Variants in C3orf52 observed in about 807,000 individuals in gnomAD.
C3orf52 encodes the protein TPA-induced transmembrane protein.
A neutral mutation model predicts 24.8 loss-of-function variants in C3orf52; 22 were observed. That is an observed-to-expected ratio of 0.89 (90% CI 0.63 to 1.27). C3orf52 has a LOEUF of 1.27. Ranked by LOEUF, C3orf52 falls within the 50% of genes most tolerant of loss-of-function variation. C3orf52 has a pLI of 0.00. For synonymous variants in C3orf52, 93 were observed against 100.2 expected (o/e 0.93, Z 0.43); for missense variants, 265 against 260.7 (o/e 1.02, Z -0.11).
intron 4 of C3orf52, among the ~76,000 whole-genome samples, chr3:112,110,980 G>A (rs1289406072): frequency 1.3e-5 from 2 of 152,196 alleles, no homozygotes. Context: ...GGAGGCTGAG[G>A]TAGGCAGATC....
chr3:112,094,064 G>A (rs962916774), intron 2 of C3orf52, among the ~76,000 whole-genome samples: 5 of 151,858 alleles, frequency 3.3e-5, no homozygotes, highest in African/African-American at 1.2e-4. Context: ...GCACGACTTT[G>A]GCTCGCTGCA....
downstream of C3orf52, chr3:112,122,616 C>T (rs1407495460): frequency 6.6e-6 from 1 of 152,012 alleles, no homozygotes; most frequent in Non-Finnish European, 1.5e-5. Flanking sequence ...TAATATATTG[C>T]AGAGGGCTTT....
Position 112,113,025 on chromosome 3 carries a change from T to G in C3orf52, c.529T>G (p.Phe177Val), listed in dbSNP as rs2074100445. 6.8e-6 allele frequency: 11 copies of G among 1,608,714 alleles called. No homozygotes were observed. Among genetic ancestry groups the G allele is most frequent in the Non-Finnish European group, 8.5e-6 (10 of 1,177,462 alleles). Residue 177 changes from phenylalanine (F) to valine (V), a missense_variant, in exon 5 of 6, where the codon TTT (phenylalanine) becomes GTT (valine). Coordinates refer to ENST00000264848, the MANE Select transcript of C3orf52 (RefSeq NM_024616.3). ...TGGGGTTCCATCAGATGATGAAAAT[T>G]TTATGAAGTATATGATGAGTGAGGA... ...QFGVPSDDEN[F>V]MKYMMSEELV...
intron 1 of C3orf52, among the ~76,000 whole-genome samples, chr3:112,089,694 G>A (rs1290951567): frequency 6.6e-6 from 1 of 152,116 alleles, no homozygotes; most frequent in Non-Finnish European, 1.5e-5. Context: ...TTTCCTACCT[G>A]TAAGAAAATT....
At chr3:112,130,837 G>T (rs559887441), downstream of C3orf52, 5 of 359,958 alleles carry the variant, frequency 1.4e-5, no homozygotes, top group South Asian at 1.4e-4. Context: ...GAGGCCTGAG[G>T]TCCTCAGCTA....
chr3:112,089,449 A>G (rs2073858578), intron 1 of C3orf52, among the ~76,000 whole-genome samples: 1 of 150,382 alleles, frequency 6.6e-6, no homozygotes, highest in Non-Finnish European at 1.5e-5. Context: ...GACTCGCTTG[A>G]ACCTGGGAGG....
At chr3:112,115,105 C>T (rs376111562) in intron 5 of C3orf52, among the ~76,000 whole-genome samples, 8 of 152,298 alleles carry the variant, frequency 5.3e-5, no homozygotes, top group East Asian at 1.9e-4. Flanking sequence ...TTTCTTCTGA[C>T]GGGACATGCT....
At chr3:112,103,888 C>T (rs1214041042) in intron 3 of C3orf52, among the ~76,000 whole-genome samples, 2 of 152,206 alleles carry the variant, frequency 1.3e-5, no homozygotes, top group East Asian at 3.8e-4. Flanking sequence ...GTCATGAAGG[C>T]TTTCCCACTC....
chr3:112,113,051 G>C lies in C3orf52; in HGVS notation c.555G>C (p.Glu185Asp). The C allele has an allele frequency of 1.2e-6, 2 of 1,609,972 alleles. No individual in the cohort carries two copies. Among genetic ancestry groups the C allele is most frequent in the Non-Finnish European group, 1.7e-6 (2 of 1,178,160 alleles). The change falls in exon 5 of 6, where the codon GAG becomes GAC. Residue 185 changes from glutamate (E) to aspartate (D), a missense_variant. Transcript: ENST00000264848. ...ENFMKYMMSEELVLGILLQDF... is the reference protein window; with the variant it reads ...ENFMKYMMSEDLVLGILLQDF... ...TTATGAAGTATATGATGAGTGAGGA[G>C]TTGGTGCTGGGCATTTTGCTACAGG...
chr3:112,110,101 G>A (rs1047711681), intron 4 of C3orf52, among the ~76,000 whole-genome samples: 6 of 152,128 alleles, frequency 3.9e-5, no homozygotes, highest in Admixed American at 3.3e-4. Context: ...AGGCCAAGGC[G>A]GGCAGATCAC....
At chr3:112,126,576 C>T (rs1308462278) in intron 4 of C3orf52, among the ~76,000 whole-genome samples, 1 of 152,180 alleles carries the variant, frequency 6.6e-6, no homozygotes, top group Non-Finnish European at 1.5e-5. Context: ...ATCATACTTG[C>T]CCCCGCCTCC....
At chr3:112,087,170 G>A (rs929546681) in intron 1 of C3orf52, among the ~76,000 whole-genome samples, 39 of 150,976 alleles carry the variant, frequency 2.6e-4, no homozygotes, top group East Asian at 2.0e-3. Context: ...GGGGCGGGCG[G>A]GTTAGGGGGT....
downstream of C3orf52, chr3:112,134,092 A>G (rs2074521523): frequency 6.6e-6 from 1 of 152,258 alleles, no homozygotes; most frequent in African/African-American, 2.4e-5. Flanking sequence ...TTCAGGTGGC[A>G]TGACTTCAGG....
At chr3:112,127,931 C>T in intron 4 of C3orf52, 2 of 1,129,648 alleles carry the variant, frequency 1.8e-6, no homozygotes, top group Non-Finnish European at 2.7e-6. Context: ...CCACTGTGGC[C>T]ACAGACAGTC....
At chr3:112,131,008 A>G (rs2074438611), downstream of C3orf52, 2 of 160,534 alleles carry the variant, frequency 1.2e-5, no homozygotes, top group South Asian at 3.6e-4. Context: ...AAATTGGTTC[A>G]TTGTTTGGGT....
At chr3:112,127,927 TG>T in intron 4 of C3orf52, 1 of 1,061,484 alleles carries the variant, frequency 9.4e-7, no homozygotes, top group Non-Finnish European at 1.5e-6. Context: ...GCTTCCACTG[TG>T]GCCACAGACA....
intron 1 of C3orf52, among the ~76,000 whole-genome samples, chr3:112,086,874 C>T (rs1473710586): frequency 2.0e-5 from 3 of 152,138 alleles, no homozygotes; most frequent in Non-Finnish European, 4.4e-5. Flanking sequence ...ACTTTTAATT[C>T]AGTTTTTCTT....
chr3:112,090,190 A>G (rs2073864603), intron 1 of C3orf52, among the ~76,000 whole-genome samples: 1 of 152,128 alleles, frequency 6.6e-6, no homozygotes, highest in African/African-American at 2.4e-5. Flanking sequence ...CGTTACTTCT[A>G]AAAGATACTA....
At chr3:112,087,945 C>CT (rs1226478652) in intron 1 of C3orf52, among the ~76,000 whole-genome samples, 1 of 152,218 alleles carries the variant, frequency 6.6e-6, no homozygotes, top group Non-Finnish European at 1.5e-5. Context: ...ACTCGGCCTT[C>CT]TGTGAGGCCT....
Sources: allele counts gnomAD v4.1 joint callset (sites outside exome capture counted in the v4.1 genomes callset), GRCh38; gene constraint gnomAD v4.1.1; transcripts MANE v1.5; gene names NCBI Gene and HGNC (gene_info 2026-07-23, HGNC 2026-07-21).